The following DOCK11 variants were observed in gnomAD, a reference collection of about 807,000 sequenced individuals.
The protein encoded by DOCK11 is dedicator of cytokinesis protein 11.
Under a neutral mutation model 169.1 loss-of-function variants are expected in DOCK11, and 70 were observed. The observed-to-expected ratio is 0.41, with a 90% CI of 0.34 to 0.51. DOCK11 has a LOEUF of 0.51. Among genes scored for constraint, DOCK11 ranks in the 20% least tolerant of loss-of-function variants. The pLI is 0.10. For missense variants in DOCK11, 1,166 were observed against 1,538.8 expected (o/e 0.76, Z 4.05); for synonymous variants, 529 against 541.3 (o/e 0.98, Z 0.32).
intron 6 of DOCK11, among the ~76,000 whole-genome samples, chrX:118,553,346 T>G (rs746185171): frequency 8.9e-6 from 1 of 112,029 alleles, no homozygotes; most frequent in Non-Finnish European, 1.9e-5. Context: ...AGGAATTTAA[T>G]CTTCAGGGTG....
intron 24 of DOCK11, among the ~76,000 whole-genome samples, chrX:118,606,868 T>G (rs1056399103): frequency 2.7e-5 from 3 of 110,735 alleles, no homozygotes; most frequent in African/African-American, 6.6e-5. Flanking sequence ...GGCTGAGCAA[T>G]CTATTAAAAG....
At chrX:118,549,490 G>A (rs978462903) in intron 6 of DOCK11, among the ~76,000 whole-genome samples, 2 of 111,500 alleles carry the variant, frequency 1.8e-5, no homozygotes, top group Admixed American at 9.5e-5. Flanking sequence ...GCAAAGGAAG[G>A]AAAAGAGGAA....
chrX:118,679,546 T>C (rs956315046), intron 48 of DOCK11, among the ~76,000 whole-genome samples: 6 of 111,058 alleles, frequency 5.4e-5, no homozygotes, highest in Non-Finnish European at 1.9e-5. Flanking sequence ...CAAGCTAGCC[T>C]CAGCAACACA....
intron 1 of DOCK11, among the ~76,000 whole-genome samples, chrX:118,506,729 G>A (rs1454910738): frequency 5.4e-5 from 6 of 112,095 alleles, no homozygotes; most frequent in African/African-American, 9.7e-5. Flanking sequence ...AAGCTGTCTC[G>A]AGAAATTATT....
rs958652423 is a variant in DOCK11 at position 118,533,437 on chromosome X, A to G, written c.103-9288A>G. 2.7e-5 allele frequency among the ~76,000 whole-genome samples: 3 copies of G among 112,194 alleles called. No homozygotes were observed. In the Admixed American group the frequency reaches 2.8e-4, roughly 11 times the overall value. Reference sequence around the variant, plus strand: ...AACTAAAATATTTGTAGAAAGGTGTATTTTTGCCCCTATCAAGGTTGATTT... The same window carrying G: ...AACTAAAATATTTGTAGAAAGGTGTGTTTTTGCCCCTATCAAGGTTGATTT... On this transcript the variant is annotated intron_variant, in intron 1 of 52. Coordinates refer to ENST00000276202, the MANE Select transcript of DOCK11 (RefSeq NM_144658.4).
chrX:118,600,366 C>A (rs2014295446), intron 23 of DOCK11, among the ~76,000 whole-genome samples: 1 of 106,272 alleles, frequency 9.4e-6, no homozygotes, highest in Non-Finnish European at 1.9e-5. Context: ...GAGATTGTGC[C>A]AGCCTGGGTG....
intron 1 of DOCK11, among the ~76,000 whole-genome samples, chrX:118,519,984 A>G (rs1326318341): frequency 8.9e-6 from 1 of 111,744 alleles, no homozygotes; most frequent in Non-Finnish European, 1.9e-5. Context: ...CATTTAGTCA[A>G]TTATTGTTTC....
At position 118,643,738 on chromosome X, in the gene DOCK11, C is replaced by G. The variant is rs187133199; in HGVS notation, c.4398+144C>G. 126 of 648,992 alleles carry G rather than the reference C, an allele frequency of 1.9e-4. No individual in the cohort carries two copies. The African/African-American group carries it at 2.6e-3, about 14-fold the overall frequency. 53.5% of individuals were successfully genotyped at this position (648,992 alleles called of 1,213,427 possible). ...TGCCTTTGTAAATAGAAATACAGAACAACAAAGCACACACAGAGGGCCTAC... is the reference window on the plus strand; with the variant it reads ...TGCCTTTGTAAATAGAAATACAGAAGAACAAAGCACACACAGAGGGCCTAC... On this transcript the variant is annotated intron_variant, in intron 40 of 52. Transcript: ENST00000276202.
chrX:118,520,504 A>G (rs754492506), intron 1 of DOCK11, among the ~76,000 whole-genome samples: 26 of 112,688 alleles, frequency 2.3e-4, no homozygotes, highest in Admixed American at 1.5e-3. Context: ...GTGAAAAGAA[A>G]CGGAGTATAT....
intron 10 of DOCK11, among the ~76,000 whole-genome samples, chrX:118,568,802 G>A (rs750461527): frequency 9.0e-6 from 1 of 111,013 alleles, no homozygotes; most frequent in Non-Finnish European, 1.9e-5. Flanking sequence ...TTTTTAATTT[G>A]TTTAAGTGGG....
rs1213173300 is a variant in DOCK11 at position 118,610,970 on chromosome X, T to A, written c.3096+552T>A. Among the ~76,000 whole-genome samples, 3 of 110,642 alleles carry A rather than the reference T, an allele frequency of 2.7e-5. 1 individual carries two copies. In the East Asian group the frequency reaches 8.5e-4, roughly 31 times the overall value. On this transcript the variant is annotated intron_variant, in intron 28 of 52. Coordinates refer to ENST00000276202, the MANE Select transcript of DOCK11 (RefSeq NM_144658.4). ...AGGAGAATCCCTTGAACCTGGGAGG[T>A]GGAGGTTTCAGTGAGCCGAAATCAC... is the stretch of plus-strand genomic sequence containing the variant.
At chrX:118,582,074 G>T (rs986691711) in intron 14 of DOCK11, among the ~76,000 whole-genome samples, 1 of 110,001 alleles carries the variant, frequency 9.1e-6, no homozygotes, top group Non-Finnish European at 1.9e-5. Context: ...AGGTTGCAGT[G>T]AGCCGAGATC....
chrX:118,637,313 G>A (rs2015415473), intron 36 of DOCK11, among the ~76,000 whole-genome samples: 1 of 111,467 alleles, frequency 9.0e-6, no homozygotes, highest in Admixed American at 9.6e-5. Flanking sequence ...GAATCTGGGG[G>A]ATGATTGGGT....
intron 40 of DOCK11, among the ~76,000 whole-genome samples, chrX:118,645,351 G>A (rs183378909): frequency 1.2e-3 from 131 of 111,562 alleles, no homozygotes; most frequent in African/African-American, 3.8e-3. Flanking sequence ...CTCATGAAGC[G>A]TTCAGTCTTA....
intron 20 of DOCK11, among the ~76,000 whole-genome samples, chrX:118,595,324 A>G (rs931446552): frequency 2.7e-5 from 3 of 111,905 alleles, no homozygotes; most frequent in East Asian, 2.8e-4. Flanking sequence ...TTAGTTAGCA[A>G]TGAAGTTTCA....
chrX:118,522,851 G>A (rs981878976), intron 1 of DOCK11, among the ~76,000 whole-genome samples: 13 of 111,567 alleles, frequency 1.2e-4, no homozygotes, highest in Admixed American at 1.9e-4. Flanking sequence ...CACAGGTCCC[G>A]CTTACATTCA....
At chrX:118,538,832 A>G (rs960610962) in intron 1 of DOCK11, 3 of 163,420 alleles carry the variant, frequency 1.8e-5, no homozygotes, top group African/African-American at 6.3e-5. Flanking sequence ...GCTTTTATGT[A>G]TAAGTCTAAT....
intron 40 of DOCK11, among the ~76,000 whole-genome samples, chrX:118,647,187 G>A (rs1407070928): frequency 8.3e-5 from 7 of 84,217 alleles, no homozygotes; most frequent in African/African-American, 3.3e-4. Flanking sequence ...GTGTGTGTGT[G>A]TATCTCCTAT....
intron 14 of DOCK11, among the ~76,000 whole-genome samples, chrX:118,582,622 T>C (rs2013686414): frequency 8.9e-6 from 1 of 111,825 alleles, no homozygotes; most frequent in African/African-American, 3.3e-5. Flanking sequence ...TAGCGAAGGA[T>C]ATGAACAGAC....
Sources: gnomAD v4.1 joint callset for allele counts (sites outside exome capture counted in the v4.1 genomes callset) on GRCh38, gnomAD v4.1.1 for gene constraint, MANE v1.5 for transcripts, NCBI Gene and HGNC (gene_info 2026-07-23, HGNC 2026-07-21) for gene names.